Variants in UMODL1 observed in about 807,000 individuals in gnomAD.
UMODL1 encodes the protein uromodulin like 1.
A neutral mutation model predicts 136.3 loss-of-function variants in UMODL1; 128 were observed. The observed-to-expected ratio is 0.94, with a 90% CI of 0.81 to 1.09. The LOEUF (loss-of-function observed/expected upper bound fraction) is 1.09. Ranked by LOEUF, UMODL1 falls within the 50% of genes least tolerant of loss-of-function variation. The pLI is 0.00. For synonymous variants in UMODL1, 721 were observed against 720.0 expected (o/e 1.00, Z -0.02); for missense variants, 1,766 against 1,725.6 (o/e 1.02, Z -0.41).
intron 22 of UMODL1, among the ~76,000 whole-genome samples, chr21:42,140,761 T>C (rs915840): frequency 0.19 from 28,365 of 152,100 alleles, 2,700 homozygotes; most frequent in South Asian, 0.31. Context: ...GGGAGGCAGG[T>C]GCTGCTGCTC....
At chr21:42,089,811 G>A (rs373401297) in intron 5 of UMODL1, among the ~76,000 whole-genome samples, 3 of 152,226 alleles carry the variant, frequency 2.0e-5, no homozygotes, top group Non-Finnish European at 4.4e-5. Flanking sequence ...AGCTTATCGC[G>A]CTGTCTGTAC....
chr21:42,103,636 A>C lies in UMODL1; in HGVS notation c.1300-232A>C, dbSNP rs1256963301. ...AACTGGGAGCTTGATTGCAGTGGTC[A>C]CTGTGAGTCCCCAGCACACACCAGG... On this transcript the variant is annotated intron_variant, in intron 8 of 22. Transcript: ENST00000408910. 2.3e-5 allele frequency: 15 copies of C among 660,788 alleles called. No homozygotes were observed. In the Admixed American group the frequency reaches 3.1e-4, roughly 14 times the overall value. The allele number at this position is 660,788 out of a possible 1,614,324, so 40.9% of individuals were successfully genotyped here.
In UMODL1 at chr21:42,122,854, T is replaced by G. The variant is rs2066994431; in HGVS notation, c.2851T>G (p.Trp951Gly). ...CEGDSPGNETWATSPERPLTT... is the reference protein window; with the variant it reads ...CEGDSPGNETGATSPERPLTT... ...AGGTGACTCTCCTGGCAATGAAACCTGGGCCACCAGCCCAGAGAGGCCTCT... is the reference window on the plus strand; with the variant it reads ...AGGTGACTCTCCTGGCAATGAAACCGGGGCCACCAGCCCAGAGAGGCCTCT... The change falls in exon 17 of 23, where the codon TGG becomes GGG. Residue 951 changes from tryptophan (W) to glycine (G), a missense_variant. By Grantham distance (184) the Trp-to-Gly change is radical. Coordinates refer to ENST00000408910, the MANE Select transcript of UMODL1 (RefSeq NM_001004416.3). This position sits in a 1 kb window ranked among gnomAD's most constrained non-coding sequence, Gnocchi z 4.3. 2 of 1,600,792 alleles carry G rather than the reference T, an allele frequency of 1.2e-6. No homozygotes were observed. The highest frequency in any genetic ancestry group is 1.7e-6 in the Non-Finnish European group (2 of 1,170,762).
intron 1 of UMODL1, among the ~76,000 whole-genome samples, chr21:42,074,913 T>C (rs1306098715): frequency 6.6e-6 from 1 of 151,772 alleles, no homozygotes; most frequent in African/African-American, 2.4e-5. Flanking sequence ...TTTTTGTTTT[T>C]TTTTTCAGAG....
intron 1 of UMODL1, among the ~76,000 whole-genome samples, chr21:42,063,803 T>G (rs2066160916): frequency 6.6e-6 from 1 of 152,188 alleles, no homozygotes; most frequent in South Asian, 2.1e-4. Context: ...GTCTCAGCAC[T>G]GCAATTAAAG....
chr21:42,101,871 C>T, intron 7 of UMODL1: 1 of 394,708 alleles, frequency 2.5e-6, no homozygotes, highest in African/African-American at 2.1e-5. Flanking sequence ...AGGCAGCAGC[C>T]ACCCCACGGG....
At chr21:42,133,622 A>G (rs1350299349) in intron 21 of UMODL1, among the ~76,000 whole-genome samples, 2 of 152,158 alleles carry the variant, frequency 1.3e-5, no homozygotes, top group Non-Finnish European at 2.9e-5. Context: ...GCAAAGCCAC[A>G]GTCTCTCGCA....
At chr21:42,133,180 A>G (rs1233353317) in intron 21 of UMODL1, among the ~76,000 whole-genome samples, 2 of 152,250 alleles carry the variant, frequency 1.3e-5, no homozygotes, top group Non-Finnish European at 2.9e-5. Flanking sequence ...TTAATAGTGT[A>G]TATTAACAGA....
chr21:42,083,947 C>T, intron 2 of UMODL1, 137 bp from the exon 3 acceptor site: 1 of 1,065,570 alleles, frequency 9.4e-7, no homozygotes, highest in Non-Finnish European at 1.4e-6. Context: ...TCTGCCCAGG[C>T]ATGGGGATGG....
At chr21:42,111,239 CCCAGCCAGAGGAGCA>C (rs1391173779) in intron 11 of UMODL1, 118 bp downstream of exon 11, 11 of 1,525,252 alleles carry the variant, frequency 7.2e-6, no homozygotes, top group African/African-American at 5.7e-5. Context: ...CCAGGCGAGC[CCCAGCCAGAGGAGCA>C]CCAGCCAGGG....
chr21:42,109,135 C>CGGCGTGGAAAGCTCGTGTTATGCT (rs2066777904), intron 9 of UMODL1, among the ~76,000 whole-genome samples: 2 of 151,944 alleles, frequency 1.3e-5, no homozygotes, highest in African/African-American at 4.8e-5. Context: ...CCCCCACCCC[C>CGGCGTGGAAAGCTCGTGTTATGCT]CATGCGGAAA....
intron 12 of UMODL1, among the ~76,000 whole-genome samples, chr21:42,112,285 CACCTCCCCAGCTGTTCTGT>C (rs1417004727): frequency 2.1e-3 from 322 of 151,994 alleles, no homozygotes; most frequent in African/African-American, 7.2e-3. Context: ...AGCTGTTCTG[CACCTCCCCAGCTGTTCTGT>C]ATCTCCCCAG....
At position 42,119,147 on chromosome 21, in the gene UMODL1, A is replaced by G. The variant is rs750953414; in HGVS notation, c.2512A>G (p.Met838Val). 39 of 1,613,670 alleles carry G rather than the reference A, an allele frequency of 2.4e-5. No individual in the cohort carries two copies. Among genetic ancestry groups the G allele is most frequent in the Admixed American group, 2.2e-4 (13 of 60,006 alleles). The change falls in exon 15 of 23, where the codon ATG (methionine) becomes GTG (valine). Residue 838 changes from methionine (M) to valine (V), a missense_variant. Met to Val is a conservative substitution (Grantham distance 21). Transcript: ENST00000408910. ...CCTGCCAGCCACCATGTGTCAGCAC[A>G]TGGACGCTGGTGGGGTCAGGATGGA... ...GSLPATMCQH[M>V]DAGGVRMEVV... is the part of the protein sequence containing the mutation.
Position 42,115,876 on chromosome 21 carries a change from C to A in UMODL1, c.2366C>A (p.Ala789Asp), listed in dbSNP as rs202159448. The A allele has an allele frequency of 6.2e-7, 1 of 1,613,546 alleles. No individual in the cohort carries two copies. Among genetic ancestry groups the A allele is most frequent in the African/African-American group, 1.3e-5 (1 of 74,892 alleles). Reference protein sequence around the residue: ...ARAHLKVRTAARKLIGKVRIK... With the variant: ...ARAHLKVRTADRKLIGKVRIK... ...GTGCTTATCCTCCATCCTGCAGCAG[C>A]CCGGAAGCTCATTGGAAAGGTCAGA... Residue 789 changes from alanine to aspartate, a missense_variant, in exon 14 of 23, where the codon GCC becomes GAC. Coordinates refer to ENST00000408910, the MANE Select transcript of UMODL1 (RefSeq NM_001004416.3).
Position 42,122,968 on chromosome 21 carries a change from G to C in UMODL1, c.2965G>C (p.Val989Leu), listed in dbSNP as rs1309900633. 1 of 1,614,088 alleles carries C rather than the reference G, an allele frequency of 6.2e-7. No homozygotes were observed. Reference sequence around the variant, plus strand: ...CCAGCGGCTGAACCTGACCGGAGCAGTCAGGGTGCTCTGTGAGATCGAGAA... The same window carrying C: ...CCAGCGGCTGAACCTGACCGGAGCACTCAGGGTGCTCTGTGAGATCGAGAA... ...LPQRLNLTGA[V>L]RVLCEIEKVV... Residue 989 changes from valine (V) to leucine (L), a missense_variant, in exon 17 of 23, where the codon GTC becomes CTC. Transcript: ENST00000408910. This position sits in a 1 kb window ranked among gnomAD's most constrained non-coding sequence, Gnocchi z 4.3.
At chr21:42,069,928 T>C (rs2066215116), upstream of UMODL1, among the ~76,000 whole-genome samples, 1 of 152,238 alleles carries the variant, frequency 6.6e-6, no homozygotes, top group East Asian at 1.9e-4. Flanking sequence ...CGTTTTTTAA[T>C]GAGCCAATTC....
rs220157 is a variant in UMODL1 at position 42,126,595 on chromosome 21, T to A, written c.3293+105T>A. On this transcript the variant is annotated intron_variant, in intron 18 of 22. Coordinates refer to ENST00000408910, the MANE Select transcript of UMODL1 (RefSeq NM_001004416.3). ...ACCACTTAAGGACCCTTCCTTGAGA[T>A]GGAATATACAAATGGGTGTGGCCTG... The A allele has an allele frequency of 6.6e-5, 100 of 1,518,490 alleles. No individual in the cohort carries two copies. The South Asian group carries it at 1.0e-3, about 16-fold the overall frequency. 94.1% of individuals were successfully genotyped at this position (1,518,490 alleles called of 1,614,324 possible).
At chr21:42,072,043 C>CCAAA (rs56367687) in intron 1 of UMODL1, among the ~76,000 whole-genome samples, 115,572 of 148,892 alleles carry the variant, frequency 0.78, 45,342 homozygotes, top group Admixed American at 0.87. Context: ...GCAAAAGCCC[C>CCAAA]CAAACAAACA....
rs946531255 is a variant in UMODL1, at chr21:42,123,269, G to C, written c.3147+119G>C. 2.3e-4 allele frequency: 279 copies of C among 1,204,646 alleles called. 2 individuals are homozygous for C. The South Asian group carries it at 4.2e-3, about 18-fold the overall frequency. 74.6% of individuals were successfully genotyped at this position (1,204,646 alleles called of 1,614,324 possible). On this transcript the variant is annotated intron_variant, in intron 17 of 22. Coordinates refer to ENST00000408910, the MANE Select transcript of UMODL1 (RefSeq NM_001004416.3). This position sits in a 1 kb window ranked among gnomAD's most constrained non-coding sequence, Gnocchi z 4.4. The stretch of plus-strand genomic sequence containing the variant: ...TGCACCCCGAGGGGAACCCAGCAAG[G>C]GGGGTTCAGGACAGGGTTGAGTTCT...
Sources: allele counts gnomAD v4.1 joint callset (sites outside exome capture counted in the v4.1 genomes callset), GRCh38; gene constraint gnomAD v4.1.1; non-coding constraint Gnocchi (gnomAD v3.1); transcripts MANE v1.5; gene names NCBI Gene and HGNC (gene_info 2026-07-23, HGNC 2026-07-21).